The following SEM1 variants were observed in gnomAD, a reference collection of about 807,000 sequenced individuals.
SEM1 encodes 26S proteasome complex subunit SEM1.
SEM1 carries 3 observed loss-of-function variants against 12.7 expected under a neutral mutation model. That is an observed-to-expected ratio of 0.24 (90% CI 0.11 to 0.61). The LOEUF is 0.61. Ranked by LOEUF, SEM1 falls within the 20% of genes least tolerant of loss-of-function variation. The probability of loss-of-function intolerance (pLI) is 0.88; values close to 1 mark genes in which losing one functional copy is unlikely to be tolerated. For synonymous variants in SEM1, 30 were observed against 27.8 expected, an observed-to-expected ratio of 1.08 and a Z score of -0.25; for missense variants, 59 against 81.3, an observed-to-expected ratio of 0.73 and a Z score of 1.06.
chr7:96,571,989 G>A (rs57205290), intron 2 of SEM1, among the ~76,000 whole-genome samples: 82,721 of 151,872 alleles, frequency 0.54, 24,572 homozygotes, highest in Non-Finnish European at 0.68. Flanking sequence ...TGAGGGATTT[G>A]ACTTCTTCCT....
intron 2 of SEM1, among the ~76,000 whole-genome samples, chr7:96,631,260 A>G (rs946435764): frequency 6.6e-6 from 1 of 152,146 alleles, no homozygotes; most frequent in Non-Finnish European, 1.5e-5. Flanking sequence ...ACTGTAGCCC[A>G]TGGTGGCAAG....
Position 96,583,006 on chromosome 7 carries a change from T to C in SEM1, c.171-76308A>G, listed in dbSNP as rs1441130438. On this transcript the variant is annotated intron_variant and NMD_transcript_variant, in intron 2 of 3. Coordinates refer to the SEM1 transcript ENST00000466986. ...GCTCTGATTTTAGTTATTTCTTGCC[T>C]TCTGCTATCTTTTGAATGTGTTTGC... Among the ~76,000 whole-genome samples, 12 of 152,348 alleles carry C rather than the reference T, an allele frequency of 7.9e-5. No individual in the cohort carries two copies. In the South Asian group the frequency reaches 1.2e-3, roughly 16 times the overall value.
intron 2 of SEM1, among the ~76,000 whole-genome samples, chr7:96,680,767 T>G (rs1161591521): frequency 2.0e-5 from 3 of 152,136 alleles, no homozygotes; most frequent in Non-Finnish European, 4.4e-5. Context: ...ATGGAATTTA[T>G]CCTTGTATCA....
intron 2 of SEM1, among the ~76,000 whole-genome samples, chr7:96,693,760 T>TTGTGAG (rs1554435677): frequency 7.2e-6 from 1 of 139,568 alleles, no homozygotes; most frequent in Non-Finnish European, 1.6e-5. Context: ...ACAATTCCAC[T>TTGTGAG]TGTGTGTGTG....
intron 2 of SEM1, among the ~76,000 whole-genome samples, chr7:96,591,915 T>C (rs1287256194): frequency 6.6e-6 from 1 of 151,438 alleles, no homozygotes; most frequent in Non-Finnish European, 1.5e-5. Context: ...TTGTTTACAA[T>C]AAAAGAATTC....
At chr7:96,669,436 T>C (rs937005103), downstream of SEM1, among the ~76,000 whole-genome samples, 1 of 152,182 alleles carries the variant, frequency 6.6e-6, no homozygotes, top group Non-Finnish European at 1.5e-5. Flanking sequence ...TTGAATTTCA[T>C]ATAATTTTCC....
intron 2 of SEM1, among the ~76,000 whole-genome samples, chr7:96,681,553 A>G (rs1277032032): frequency 1.3e-5 from 2 of 152,100 alleles, no homozygotes; most frequent in African/African-American, 4.8e-5. Flanking sequence ...TCTTGAGTTA[A>G]TTTTTGTGTA....
chr7:96,550,909 T>C (rs570614671), intron 2 of SEM1, among the ~76,000 whole-genome samples: 2 of 152,258 alleles, frequency 1.3e-5, no homozygotes, highest in South Asian at 4.1e-4. Flanking sequence ...TTCATTCCTG[T>C]TTTGAAGTGT....
At chr7:96,632,562 G>T (rs189370205) in intron 2 of SEM1, among the ~76,000 whole-genome samples, 5 of 151,986 alleles carry the variant, frequency 3.3e-5, no homozygotes, top group Non-Finnish European at 5.9e-5. Context: ...AGGGGGTGGC[G>T]GACTAGGGGA....
chr7:96,555,417 A>G (rs1365111641), intron 2 of SEM1, among the ~76,000 whole-genome samples: 5 of 148,286 alleles, frequency 3.4e-5, no homozygotes, highest in African/African-American at 1.2e-4. Flanking sequence ...TTCAAAGAAC[A>G]TCTTTATTTC....
At chr7:96,542,151 G>T (rs1469001584) in intron 2 of SEM1, among the ~76,000 whole-genome samples, 1 of 151,552 alleles carries the variant, frequency 6.6e-6, no homozygotes. Context: ...TACATTGGTA[G>T]TTTGATAAAA....
intron 2 of SEM1, among the ~76,000 whole-genome samples, chr7:96,591,359 G>C (rs1806823805): frequency 6.6e-6 from 1 of 152,160 alleles, no homozygotes; most frequent in Non-Finnish European, 1.5e-5. Flanking sequence ...TCAACCACCA[G>C]AATGGCGAAC....
intron 2 of SEM1, among the ~76,000 whole-genome samples, chr7:96,578,284 G>GA (rs11305096): frequency 4.0e-5 from 6 of 148,886 alleles, no homozygotes; most frequent in South Asian, 2.1e-4. Flanking sequence ...TAAGATAAAG[G>GA]AAAAAAAAAA....
chr7:96,707,014 T>C (rs573094202), intron 1 of SEM1, among the ~76,000 whole-genome samples: 59 of 152,312 alleles, frequency 3.9e-4, no homozygotes, highest in Middle Eastern at 3.4e-3. Flanking sequence ...AAGTGAAAAC[T>C]CAAATACCAA....
At chr7:96,574,078 C>T (rs36187522) in intron 2 of SEM1, among the ~76,000 whole-genome samples, 18,529 of 152,042 alleles carry the variant, frequency 0.12, 1,165 homozygotes, top group Middle Eastern at 0.18. Flanking sequence ...AATGATATCC[C>T]TCCCCGCTCC....
chr7:96,534,220 T>C (rs1026980971), intron 2 of SEM1, among the ~76,000 whole-genome samples: 1 of 152,056 alleles, frequency 6.6e-6, no homozygotes, highest in Non-Finnish European at 1.5e-5. Context: ...TGAGAGTATT[T>C]GTTGCCAACA....
intron 2 of SEM1, among the ~76,000 whole-genome samples, chr7:96,536,290 A>G (rs79701056): frequency 0.017 from 2,590 of 151,876 alleles, 30 homozygotes; most frequent in Middle Eastern, 0.048. Context: ...ATTTGAGAAC[A>G]TACTTTTTAT....
chr7:96,646,251 A>G (rs1808789785), intron 2 of SEM1, among the ~76,000 whole-genome samples: 1 of 152,174 alleles, frequency 6.6e-6, no homozygotes, highest in African/African-American at 2.4e-5. Context: ...TTACAATGGT[A>G]AAGTTGAGTA....
chr7:96,582,229 T>C (rs1806435046), intron 2 of SEM1, among the ~76,000 whole-genome samples: 2 of 150,194 alleles, frequency 1.3e-5, no homozygotes, highest in Non-Finnish European at 3.0e-5. Flanking sequence ...ATTGAGATAA[T>C]CATGTGGTTT....
Sources: allele counts gnomAD v4.1 joint callset (sites outside exome capture counted in the v4.1 genomes callset), GRCh38; gene constraint gnomAD v4.1.1; transcripts MANE v1.5; gene names NCBI Gene and HGNC (gene_info 2026-07-23, HGNC 2026-07-21).